KIAA1217: variants seen among roughly 807,000 people sequenced by gnomAD.
The protein encoded by KIAA1217 is sickle tail protein homolog.
KIAA1217 carries 88 observed loss-of-function variants against 163.9 expected under a neutral mutation model. That is an observed-to-expected ratio of 0.54 (90% confidence interval 0.45 to 0.64). The LOEUF (loss-of-function observed/expected upper bound fraction) is 0.64. Ranked by LOEUF, KIAA1217 falls within the 30% of genes least tolerant of loss-of-function variation. KIAA1217 has a pLI of 0.00. For missense variants in KIAA1217, 2,372 were observed against 2,475.0 expected (o/e 0.96, Z 0.88); for synonymous variants, 903 against 923.1 (o/e 0.98, Z 0.39).
chr10:24,543,169 C>G lies in KIAA1217; in HGVS notation c.3899C>G (p.Thr1300Arg). Residue 1300 changes from threonine (T) to arginine (R), a missense_variant, in exon 19 of 21, where the codon ACG becomes AGG. By Grantham distance (71) the Thr-to-Arg change is moderately conservative. Coordinates refer to ENST00000376454, the MANE Select transcript of KIAA1217 (RefSeq NM_019590.5). ...TCTATACCTGACACCGAGAACCAGA[C>G]GCTGAATTACGGAAAGACAAAGGAG... The part of the protein sequence containing the change: ...QYSIPDTENQ[T>R]LNYGKTKEME... 1 of 1,613,568 alleles carries G rather than the reference C, an allele frequency of 6.2e-7. No individual in the cohort carries two copies. The highest frequency in any genetic ancestry group is 2.2e-5 in the East Asian group (1 of 44,844).
intron 1 of KIAA1217, among the ~76,000 whole-genome samples, chr10:23,871,242 A>G (rs911478975): frequency 6.6e-6 from 1 of 152,074 alleles, no homozygotes; most frequent in African/African-American, 2.4e-5. Context: ...GGCTTTGAAT[A>G]TCTGCTGAAG....
At chr10:23,955,960 G>A (rs547773553) in intron 1 of KIAA1217, among the ~76,000 whole-genome samples, 1 of 152,286 alleles carries the variant, frequency 6.6e-6, no homozygotes, top group East Asian at 1.9e-4. Context: ...AATGAATTGG[G>A]AGGGCACTGT....
rs544352182 is a variant in KIAA1217 at position 24,078,804 on chromosome 10, AT to A, written c.-171+71431del. On this transcript the variant is annotated intron_variant, in intron 2 of 18. Transcript: ENST00000376462. ...AGAGAGAGACAAATGAAAAGGCTGA[AT>A]CCAGGCCTTCTGTGGCCCGTCTGTT... Among the ~76,000 whole-genome samples the A allele has an allele frequency of 4.8e-4, 73 of 152,236 alleles. 1 individual carries two copies. In the East Asian group the frequency reaches 0.013, roughly 26 times the overall value.
chr10:24,091,230 C>T lies in KIAA1217; in HGVS notation c.-171+83856C>T, dbSNP rs576105431. Among the ~76,000 whole-genome samples, 110 of 152,008 alleles carry T rather than the reference C, an allele frequency of 7.2e-4. 2 individuals are homozygous for T. The highest frequency in any genetic ancestry group is 6.2e-3 in the South Asian group (30 of 4,832). Reference sequence around the variant, plus strand: ...ACGAGGTTTTACAGATCAGAGTGATCAGCTGGAGTCATTTCAGGTATTTCC... The same window carrying T: ...ACGAGGTTTTACAGATCAGAGTGATTAGCTGGAGTCATTTCAGGTATTTCC... On this transcript the variant is annotated intron_variant, in intron 2 of 18. Transcript: ENST00000376462.
intron 1 of KIAA1217, among the ~76,000 whole-genome samples, chr10:23,936,432 G>A (rs1443902781): frequency 2.0e-5 from 3 of 152,134 alleles, no homozygotes; most frequent in Non-Finnish European, 2.9e-5. Context: ...CCTCATTTGC[G>A]CTCTTGCAAA....
chr10:23,867,683 C>A (rs1483643422), intron 1 of KIAA1217, among the ~76,000 whole-genome samples: 2 of 152,122 alleles, frequency 1.3e-5, no homozygotes, highest in Non-Finnish European at 2.9e-5. Flanking sequence ...CCTTCGCCTA[C>A]TTTTTGATGG....
intron 1 of KIAA1217, among the ~76,000 whole-genome samples, chr10:23,720,610 T>C (rs929425991): frequency 2.6e-5 from 4 of 152,166 alleles, no homozygotes; most frequent in African/African-American, 4.8e-5. Context: ...TCCCCAAAGA[T>C]GAAAGTAGAG....
At chr10:23,973,234 A>T (rs1326446634) in intron 1 of KIAA1217, among the ~76,000 whole-genome samples, 1 of 152,208 alleles carries the variant, frequency 6.6e-6, no homozygotes, top group Non-Finnish European at 1.5e-5. Context: ...GAGGGAAAAA[A>T]ATAGCTCTAA....
At chr10:23,790,696 T>TAC (rs982415985) in intron 1 of KIAA1217, among the ~76,000 whole-genome samples, 4 of 122,466 alleles carry the variant, frequency 3.3e-5, no homozygotes, top group South Asian at 4.6e-4. Context: ...TATGTATATA[T>TAC]ACACACACAT....
At chr10:24,139,050 A>G (rs1048906656) in intron 2 of KIAA1217, among the ~76,000 whole-genome samples, 1 of 152,060 alleles carries the variant, frequency 6.6e-6, no homozygotes, top group African/African-American at 2.4e-5. Context: ...CCTTTGTCAT[A>G]TTTGGGTGTA....
intron 6 of KIAA1217, among the ~76,000 whole-genome samples, chr10:24,475,072 A>G (rs1271920233): frequency 1.3e-5 from 2 of 152,090 alleles, no homozygotes; most frequent in African/African-American, 4.8e-5. Context: ...TACAAAAATT[A>G]GTCGGGTGTG....
upstream of KIAA1217, among the ~76,000 whole-genome samples, chr10:24,208,542 A>T (rs1465308706): frequency 6.6e-6 from 1 of 152,130 alleles, no homozygotes; most frequent in Non-Finnish European, 1.5e-5. Flanking sequence ...TCGGGCCCTA[A>T]AAAGTTAGTG....
intron 1 of KIAA1217, among the ~76,000 whole-genome samples, chr10:23,751,049 A>G (rs1267983132): frequency 7.3e-6 from 1 of 137,406 alleles, no homozygotes; most frequent in Admixed American, 7.9e-5. Context: ...TTTTTTGGAT[A>G]CAGAGCCTTG....
At chr10:23,857,464 T>C (rs775516208) in intron 1 of KIAA1217, among the ~76,000 whole-genome samples, 10 of 152,166 alleles carry the variant, frequency 6.6e-5, no homozygotes, top group Non-Finnish European at 1.5e-4. Flanking sequence ...ATAATGATGA[T>C]CTCTAGCTGT....
intron 2 of KIAA1217, among the ~76,000 whole-genome samples, chr10:24,184,362 T>C (rs1051183135): frequency 1.3e-5 from 2 of 152,216 alleles, no homozygotes; most frequent in African/African-American, 4.8e-5. Flanking sequence ...TGTACCTTAA[T>C]CTGCTTTTAA....
At position 24,416,650 on chromosome 10, in the gene KIAA1217, C is replaced by A. The variant is rs1412864863; in HGVS notation, c.554-16345C>A. Among the ~76,000 whole-genome samples, 7 of 152,314 alleles carry A rather than the reference C, an allele frequency of 4.6e-5. No individual in the cohort carries two copies. In the East Asian group the frequency reaches 1.4e-3, roughly 29 times the overall value. ...CGAGGATGCCAGATTTGATTTTAGA[C>A]TTCTCTGAGCCCTCACAGTTGTGGG... On this transcript the variant is annotated intron_variant, in intron 3 of 20. Transcript: ENST00000376454.
At chr10:24,162,154 T>G (rs1255089913) in intron 2 of KIAA1217, among the ~76,000 whole-genome samples, 2 of 152,208 alleles carry the variant, frequency 1.3e-5, no homozygotes, top group African/African-American at 4.8e-5. Context: ...TCAAAGGTAC[T>G]TTCAAATATC....
At chr10:24,498,348 G>T (rs2067086393) in intron 8 of KIAA1217, among the ~76,000 whole-genome samples, 1 of 152,164 alleles carries the variant, frequency 6.6e-6, no homozygotes, top group Non-Finnish European at 1.5e-5. Flanking sequence ...AGAAGTGGCT[G>T]ACAAAGCTTA....
At chr10:23,833,132 A>G (rs1237421758) in intron 1 of KIAA1217, among the ~76,000 whole-genome samples, 1 of 152,190 alleles carries the variant, frequency 6.6e-6, no homozygotes, top group Non-Finnish European at 1.5e-5. Context: ...ACTCCAGTAT[A>G]TCTGTAAAAT....
Sources: allele counts gnomAD v4.1 joint callset (sites outside exome capture counted in the v4.1 genomes callset), GRCh38; gene constraint gnomAD v4.1.1; transcripts MANE v1.5; gene names NCBI Gene and HGNC (gene_info 2026-07-23, HGNC 2026-07-21).